Variants in DOCK9 observed in about 807,000 individuals in gnomAD.
DOCK9 encodes dedicator of cytokinesis protein 9.
A neutral mutation model predicts 263.3 loss-of-function variants in DOCK9; 89 were observed. The observed-to-expected ratio is 0.34, with a 90% CI of 0.28 to 0.40. The LOEUF (loss-of-function observed/expected upper bound fraction) is 0.40, where lower values mean the gene tolerates loss of function less well. Ranked by LOEUF, DOCK9 falls within the 10% of genes least tolerant of loss-of-function variation. The probability of loss-of-function intolerance (pLI) is 1.00; values close to 1 mark genes in which losing one functional copy is unlikely to be tolerated. For missense variants in DOCK9, 2,140 were observed against 2,603.4 expected (o/e 0.82, Z 3.87); for synonymous variants, 976 against 973.1 (o/e 1.00, Z -0.06).
chr13:99,081,145 G>C (rs546978300), intron 1 of DOCK9, among the ~76,000 whole-genome samples: 2 of 152,308 alleles, frequency 1.3e-5, no homozygotes, highest in East Asian at 3.9e-4. Context: ...ACAGTGCAGA[G>C]AAGCCCTGGC....
intron 2 of DOCK9, among the ~76,000 whole-genome samples, chr13:98,936,959 C>T (rs529062103): frequency 1.3e-5 from 2 of 152,238 alleles, no homozygotes; most frequent in South Asian, 2.1e-4. Flanking sequence ...TCCAAAAGCA[C>T]TAAAGCCCTT....
intron 18 of DOCK9, 129 bp from the exon 19 acceptor site, chr13:98,886,753 G>A: frequency 1.2e-6 from 1 of 821,470 alleles, no homozygotes. Context: ...TGGGCCCCAG[G>A]CCTGTGAGCC....
intron 1 of DOCK9, among the ~76,000 whole-genome samples, chr13:99,081,765 T>C (rs2042128241): frequency 6.6e-6 from 1 of 152,250 alleles, no homozygotes. Context: ...GCTCAGGGAA[T>C]TCTTTCTAGC....
chr13:99,041,829 G>C (rs1229120193), intron 1 of DOCK9, among the ~76,000 whole-genome samples: 7 of 152,246 alleles, frequency 4.6e-5, no homozygotes, highest in South Asian at 2.1e-4. Context: ...ACGCAGAGAA[G>C]GCCACGTGAA....
chr13:98,794,497 C>T lies in DOCK9; in HGVS notation c.*129G>A. The T allele has an allele frequency of 9.9e-7, 1 of 1,010,930 alleles. No individual in the cohort carries two copies. The highest frequency in any genetic ancestry group is 1.4e-6 in the Non-Finnish European group (1 of 705,432). The allele number at this position is 1,010,930 out of a possible 1,614,324, so 62.6% of individuals were successfully genotyped here. A position where few individuals can be genotyped will look rare whatever the true frequency, so the allele number is the denominator to read the frequency against. ...AAGTCTGTTAAGAAATAACGTTGTT[C>T]TTTATTTCCTTTCTCTCCCCTTCCC... On this transcript the variant is annotated 3_prime_UTR_variant, in exon 53 of 53. Coordinates refer to ENST00000682017, the MANE Select transcript of DOCK9 (RefSeq NM_001366683.2).
chr13:98,955,346 C>A, intron 2 of DOCK9, 89 bp downstream of exon 2: 2 of 842,394 alleles, frequency 2.4e-6, no homozygotes, highest in Non-Finnish European at 3.5e-6. Context: ...TAATAATTAA[C>A]TAACCAAACA....
rs1383976446 is a variant in DOCK9 at position 98,825,133 on chromosome 13, G to C, written c.5024-629C>G. On this transcript the variant is annotated intron_variant, in intron 44 of 52. Transcript: ENST00000682017. The surrounding 1 kb of genome is among the most constrained non-coding windows in gnomAD (Gnocchi z 4.1). Reference sequence around the variant, plus strand: ...GCACTCTGATTCTCCAAGAGGAAATGGTGTTAGCTTAGAGGCAGGATCAAT... The same window carrying C: ...GCACTCTGATTCTCCAAGAGGAAATCGTGTTAGCTTAGAGGCAGGATCAAT... Among the ~76,000 whole-genome samples the C allele has an allele frequency of 3.3e-5, 5 of 152,184 alleles. No individual in the cohort carries two copies. The highest frequency in any genetic ancestry group is 7.3e-5 in the Non-Finnish European group (5 of 68,036).
intron 9 of DOCK9, among the ~76,000 whole-genome samples, chr13:98,906,076 AGAT>A (rs1346436670): frequency 6.6e-6 from 1 of 152,222 alleles, no homozygotes; most frequent in African/African-American, 2.4e-5. Context: ...TCTGCCAAAA[AGAT>A]GATAATATTT....
At chr13:99,062,323 T>C (rs1028001335) in intron 1 of DOCK9, among the ~76,000 whole-genome samples, 2 of 152,212 alleles carry the variant, frequency 1.3e-5, no homozygotes, top group Admixed American at 6.5e-5. Context: ...ACATTTACTT[T>C]TACAGTTCAT....
In DOCK9 at chr13:98,826,972, T is replaced by C. The variant is rs191905735; in HGVS notation, c.4966-85A>G. The C allele has an allele frequency of 9.2e-5, 90 of 975,268 alleles. No homozygotes were observed. The African/African-American group carries it at 1.2e-3, about 13-fold the overall frequency. 60.4% of individuals were successfully genotyped at this position (975,268 alleles called of 1,614,324 possible). ...CACACAGACAGAAATCTAATCAATG[T>C]ATGAACGTATATATTAGATCTCAAT... On this transcript the variant is annotated intron_variant, in intron 43 of 52. Transcript: ENST00000682017.
chr13:98,852,348 G>C (rs2093597430), intron 35 of DOCK9, among the ~76,000 whole-genome samples: 1 of 151,946 alleles, frequency 6.6e-6, no homozygotes, highest in South Asian at 2.1e-4. Context: ...ATCAACAGAA[G>C]AACGAATTAC....
At chr13:99,023,400 C>A (rs896104748) in intron 1 of DOCK9, among the ~76,000 whole-genome samples, 1 of 152,172 alleles carries the variant, frequency 6.6e-6, no homozygotes, top group African/African-American at 2.4e-5. Flanking sequence ...AAATACTGCA[C>A]GATTCCATTT....
chr13:99,080,759 G>A lies in DOCK9; in HGVS notation c.129+5464C>T, dbSNP rs141025691. 3.7e-3 allele frequency among the ~76,000 whole-genome samples: 568 copies of A among 152,244 alleles called. 4 individuals carry two copies. Among genetic ancestry groups the A allele is most frequent in the African/African-American group, 0.013 (531 of 41,558 alleles). On this transcript the variant is annotated intron_variant, in intron 1 of 32. Transcript: ENST00000427887. ...CATCTTCCTCTGGTCACTGAACCACGTTTGACTCTTTCCATGGTGTGCCTT... is the reference window on the plus strand; with the variant it reads ...CATCTTCCTCTGGTCACTGAACCACATTTGACTCTTTCCATGGTGTGCCTT...
At chr13:98,820,837 C>T (rs1458149241) in intron 45 of DOCK9, among the ~76,000 whole-genome samples, 1 of 152,164 alleles carries the variant, frequency 6.6e-6, no homozygotes, top group Non-Finnish European at 1.5e-5. Context: ...AATGCCTGAC[C>T]TTCTGGGAAG....
intron 1 of DOCK9, among the ~76,000 whole-genome samples, chr13:98,969,570 G>A (rs2059532995): frequency 6.6e-6 from 1 of 152,200 alleles, no homozygotes. Flanking sequence ...GGAGACTGGA[G>A]TATAAACCTT....
chr13:99,079,269 G>A (rs56018838), intron 1 of DOCK9, among the ~76,000 whole-genome samples: 4,208 of 152,306 alleles, frequency 0.028, 95 homozygotes, highest in South Asian at 0.062. Flanking sequence ...GGTACTTACA[G>A]AGACAGACAT....
chr13:98,926,066 A>G (rs1286850663), intron 3 of DOCK9, 147 bp from the exon 4 acceptor site: 3 of 569,472 alleles, frequency 5.3e-6, no homozygotes, highest in Admixed American at 3.2e-5. Flanking sequence ...AAATTCCACC[A>G]CCAGAGATTC....
chr13:99,005,200 G>A lies in DOCK9; in HGVS notation c.130-49649C>T, dbSNP rs1883113137. ...CAAGCTTGATCTATTTTATGAACAG[G>A]CTATTTACTGAGGAAACAAACCTAC... On this transcript the variant is annotated intron_variant, in intron 1 of 32. Transcript: ENST00000427887. 3.3e-5 allele frequency among the ~76,000 whole-genome samples: 5 copies of A among 152,238 alleles called. No individual in the cohort carries two copies. The South Asian group carries it at 1.0e-3, about 32-fold the overall frequency.
rs149585873 is a variant in DOCK9 at position 99,006,678 on chromosome 13, T to C, written c.130-51127A>G. On this transcript the variant is annotated intron_variant, in intron 1 of 32. Transcript: ENST00000427887. ...CATACCACAAATTAAGCAGTTTTGG[T>C]TTCTGGGCTGTGAGTTATGGGTAAT... 8.6e-4 allele frequency among the ~76,000 whole-genome samples: 131 copies of C among 152,316 alleles called. No individual in the cohort carries two copies. In the East Asian group the frequency reaches 0.024, roughly 28 times the overall value.
Sources: gnomAD v4.1 joint callset for allele counts (sites outside exome capture counted in the v4.1 genomes callset) on GRCh38, gnomAD v4.1.1 for gene constraint, Gnocchi (gnomAD v3.1) non-coding constraint, MANE v1.5 for transcripts, NCBI Gene and HGNC (gene_info 2026-07-23, HGNC 2026-07-21) for gene names.